The following ARHGAP39 variants were observed in gnomAD, a reference collection of about 807,000 sequenced individuals.
ARHGAP39 encodes Rho GTPase activating protein 39.
ARHGAP39 carries 44 observed loss-of-function variants against 106.9 expected under a neutral mutation model. The ratio of observed to expected loss-of-function variants is 0.41; its 90% CI spans 0.32 to 0.53. The LOEUF (loss-of-function observed/expected upper bound fraction) is 0.53. Ranked by LOEUF, ARHGAP39 falls within the 20% of genes least tolerant of loss-of-function variation. The pLI is 0.21. For missense variants in ARHGAP39, 1,496 were observed against 1,577.3 expected, an observed-to-expected ratio of 0.95 and a Z score of 0.87; for synonymous variants, 768 against 693.2, an observed-to-expected ratio of 1.11 and a Z score of -1.69.
At chr8:144,665,417 T>C (rs1402290504) in intron 1 of ARHGAP39, among the ~76,000 whole-genome samples, 2 of 152,220 alleles carry the variant, frequency 1.3e-5, no homozygotes, top group African/African-American at 4.8e-5. Context: ...AGGAGCTGAA[T>C]GTCAATCCCC....
intron 1 of ARHGAP39, among the ~76,000 whole-genome samples, chr8:144,661,011 C>T (rs962929704): frequency 4.6e-5 from 7 of 152,030 alleles, no homozygotes; most frequent in Non-Finnish European, 8.8e-5. Context: ...TGGTGGCACA[C>T]GACTCTGTAG....
rs1438923613 is a variant in ARHGAP39 at position 144,529,819 on chromosome 8, C to G, written c.*603G>C. 6.6e-6 allele frequency: 1 copy of G among 152,410 alleles called. No homozygotes were observed. Among genetic ancestry groups the G allele is most frequent in the Non-Finnish European group, 1.5e-5 (1 of 68,242 alleles). 9.4% of individuals were successfully genotyped at this position (152,410 alleles called of 1,614,324 possible). A position where few individuals can be genotyped will look rare whatever the true frequency, so the allele number is the denominator to read the frequency against. On this transcript the variant is annotated 3_prime_UTR_variant, in exon 12 of 12. Coordinates refer to ENST00000377307, the MANE Select transcript of ARHGAP39 (RefSeq NM_025251.3). ...CAGAATGCCTGCCCAGCCCTGCTCC[C>G]TACCCCAGAGGACTTTGGTTTGGGG...
chr8:144,547,158 G>A lies in ARHGAP39; in HGVS notation c.1928C>T (p.Ala643Val), dbSNP rs753405335. Residue 643 changes from alanine (A) to valine (V), a missense_variant, in exon 5 of 12, where the codon GCC (alanine) becomes GTC (valine). By Grantham distance (64) the Ala-to-Val change is moderately conservative (BLOSUM62 0). Coordinates refer to ENST00000377307, the MANE Select transcript of ARHGAP39 (RefSeq NM_025251.3). This position sits in a 1 kb window ranked among gnomAD's most constrained non-coding sequence, Gnocchi z 5.2. Reference protein sequence around the residue: ...EKSVSVQTNLASPEPYLHPSQ... With the variant: ...EKSVSVQTNLVSPEPYLHPSQ... Reference sequence around the variant, plus strand: ...GGGGTGGAGGTAGGGCTCTGGTGAGGCCAGGTTGGTCTGCACGGAGACGCT... The same window carrying A: ...GGGGTGGAGGTAGGGCTCTGGTGAGACCAGGTTGGTCTGCACGGAGACGCT... The A allele has an allele frequency of 6.2e-7, 1 of 1,609,546 alleles. No individual in the cohort carries two copies.
At chr8:144,655,400 C>A (rs991182874) in intron 1 of ARHGAP39, among the ~76,000 whole-genome samples, 13 of 152,158 alleles carry the variant, frequency 8.5e-5, no homozygotes, top group African/African-American at 1.4e-4. Flanking sequence ...TGCAGAGACA[C>A]CAGGACTACT....
rs1362261905 is a variant in ARHGAP39 at position 144,585,463 on chromosome 8, C to A, written c.81-4186G>T. ...TCACCGAGAACCTGGAGGGGCCAGC[C>A]AAGGGTTCCCAGCACTGGCTTCCCC... On this transcript the variant is annotated intron_variant, in intron 2 of 11. Transcript: ENST00000377307. The surrounding 1 kb of genome is among the most constrained non-coding windows in gnomAD (Gnocchi z 4.6). 6.6e-6 allele frequency among the ~76,000 whole-genome samples: 1 copy of A among 151,750 alleles called. No homozygotes were observed. Among genetic ancestry groups the A allele is most frequent in the African/African-American group, 2.4e-5 (1 of 41,302 alleles).
At chr8:144,660,990 A>T (rs1414994272) in intron 1 of ARHGAP39, among the ~76,000 whole-genome samples, 1 of 152,130 alleles carries the variant, frequency 6.6e-6, no homozygotes, top group Non-Finnish European at 1.5e-5. Flanking sequence ...ATCTCAAAAA[A>T]AAAATAGGCA....
chr8:144,685,964 T>C (rs964762301), upstream of ARHGAP39, among the ~76,000 whole-genome samples: 6 of 151,070 alleles, frequency 4.0e-5, no homozygotes, highest in South Asian at 1.0e-3. Context: ...ACGCATGCGC[T>C]GGCGCGCGGC....
intron 1 of ARHGAP39, among the ~76,000 whole-genome samples, chr8:144,624,271 AG>A (rs1240728049): frequency 6.6e-6 from 1 of 152,260 alleles, no homozygotes; most frequent in Non-Finnish European, 1.5e-5. Flanking sequence ...CGTACAGTAT[AG>A]GATACACTTT....
chr8:144,649,082 T>A (rs1821512866), intron 1 of ARHGAP39, among the ~76,000 whole-genome samples: 1 of 152,048 alleles, frequency 6.6e-6, no homozygotes, highest in African/African-American at 2.4e-5. Context: ...TTGGAAAAAT[T>A]AATAAGATAG....
chr8:144,553,689 G>C (rs998278789), intron 4 of ARHGAP39, among the ~76,000 whole-genome samples: 1 of 152,272 alleles, frequency 6.6e-6, no homozygotes, highest in African/African-American at 2.4e-5. Flanking sequence ...TGAGGAGGTG[G>C]CCAAGCTGCC....
At chr8:144,532,784 A>G (rs1424587671) in intron 9 of ARHGAP39, among the ~76,000 whole-genome samples, 2 of 152,160 alleles carry the variant, frequency 1.3e-5, no homozygotes, top group Middle Eastern at 3.2e-3. Context: ...ACCCTGTGCC[A>G]TCCCTGTTCA....
At chr8:144,675,323 C>T (rs551953762) in intron 1 of ARHGAP39, among the ~76,000 whole-genome samples, 3 of 152,334 alleles carry the variant, frequency 2.0e-5, no homozygotes, top group South Asian at 4.1e-4. Flanking sequence ...ACCTCTGCCT[C>T]CCGGTACGCC....
intron 3 of ARHGAP39, among the ~76,000 whole-genome samples, chr8:144,563,710 G>A (rs1818289547): frequency 6.6e-6 from 1 of 151,956 alleles, no homozygotes; most frequent in Admixed American, 6.6e-5. Context: ...AGAATCACTG[G>A]AGCCCAGGAG....
intron 1 of ARHGAP39, among the ~76,000 whole-genome samples, chr8:144,617,942 C>A (rs1380483438): frequency 1.3e-5 from 2 of 151,718 alleles, no homozygotes; most frequent in Non-Finnish European, 2.9e-5. Flanking sequence ...CCACCACGCC[C>A]AGCTAATTTT....
chr8:144,596,648 G>T (rs1819632839), intron 2 of ARHGAP39, among the ~76,000 whole-genome samples: 1 of 152,148 alleles, frequency 6.6e-6, no homozygotes, highest in Non-Finnish European at 1.5e-5. Flanking sequence ...TGGCCTCTTG[G>T]GCCTCCTGCA....
intron 3 of ARHGAP39, among the ~76,000 whole-genome samples, chr8:144,579,201 C>CAAAAA (rs541332282): frequency 2.4e-3 from 96 of 39,252 alleles, no homozygotes; most frequent in African/African-American, 3.4e-3. Flanking sequence ...GACTCTGTCT[C>CAAAAA]AAAAAAAAAA....
At chr8:144,605,812 C>T in intron 1 of ARHGAP39, 117 bp from the exon 2 acceptor site, 1 of 609,254 alleles carries the variant, frequency 1.6e-6, no homozygotes, top group Non-Finnish European at 2.9e-6. Context: ...TCCACGGCAC[C>T]CGTGAGCCGC....
intron 1 of ARHGAP39, among the ~76,000 whole-genome samples, chr8:144,680,678 G>C (rs1030381087): frequency 1.3e-5 from 2 of 152,230 alleles, no homozygotes; most frequent in African/African-American, 4.8e-5. Flanking sequence ...AATTATTAAT[G>C]CTAAATATTA....
At chr8:144,697,744 G>A in the ARHGAP39 span, among the ~76,000 whole-genome samples, 3 of 151,974 alleles carry the variant, frequency 2.0e-5, no homozygotes, top group Non-Finnish European at 2.9e-5. Flanking sequence ...TGCCTGCCTC[G>A]GCCTCCCAAT....
Sources: gnomAD v4.1 joint callset for allele counts (sites outside exome capture counted in the v4.1 genomes callset) on GRCh38, gnomAD v4.1.1 for gene constraint, Gnocchi (gnomAD v3.1) non-coding constraint, MANE v1.5 for transcripts, NCBI Gene and HGNC (gene_info 2026-07-23, HGNC 2026-07-21) for gene names.